Variants in EYS observed in about 807,000 individuals in gnomAD.
The protein encoded by EYS is protein eyes shut homolog.
A neutral mutation model predicts 282.1 loss-of-function variants in EYS; 250 were observed. The ratio of observed to expected loss-of-function variants is 0.89; its 90% CI spans 0.80 to 0.98. The LOEUF (loss-of-function observed/expected upper bound fraction) is 0.98. Among genes scored for constraint, EYS ranks in the 50% least tolerant of loss-of-function variants. EYS has a pLI of 0.00. For missense variants in EYS, 4,016 were observed against 3,709.0 expected, an observed-to-expected ratio of 1.08 and a Z score of -2.15; for synonymous variants, 1,355 against 1,282.9, an observed-to-expected ratio of 1.06 and a Z score of -1.20.
chr6:65,231,593 C>G lies in EYS; in HGVS notation c.2023+64270G>C, dbSNP rs145179816. 1.6e-4 allele frequency among the ~76,000 whole-genome samples: 25 copies of G among 151,602 alleles called. 1 individual carries two copies. Among genetic ancestry groups the G allele is most frequent in the African/African-American group, 6.0e-4 (25 of 41,436 alleles). On this transcript the variant is annotated intron_variant, in intron 12 of 42. Transcript: ENST00000503581. ...GACCATAAATACACAAATGGATGAA[C>G]AGCAAAGGATAAATGTGCTATCAAG...
intron 22 of EYS, among the ~76,000 whole-genome samples, chr6:64,812,928 G>C (rs943389091): frequency 6.6e-6 from 1 of 152,002 alleles, no homozygotes; most frequent in African/African-American, 2.4e-5. Context: ...TATAGTGATT[G>C]ATAGAATAAT....
At chr6:64,226,307 C>T (rs1008955425) in intron 31 of EYS, among the ~76,000 whole-genome samples, 1 of 152,086 alleles carries the variant, frequency 6.6e-6, no homozygotes, top group African/African-American at 2.4e-5. Flanking sequence ...GTAATTTCCT[C>T]AGTACAGTTA....
intron 12 of EYS, among the ~76,000 whole-genome samples, chr6:65,281,545 C>T (rs767655232): frequency 5.3e-5 from 8 of 152,128 alleles, no homozygotes; most frequent in Non-Finnish European, 1.0e-4. Flanking sequence ...TCTGTGAATG[C>T]TTGCAGCTGC....
intron 2 of EYS, among the ~76,000 whole-genome samples, chr6:65,581,373 A>T (rs1052483173): frequency 3.3e-5 from 5 of 152,172 alleles, no homozygotes; most frequent in African/African-American, 9.6e-5. Context: ...ACAAAAATTA[A>T]TGCTATATTT....
chr6:64,385,581 T>C (rs1772880294), intron 29 of EYS, among the ~76,000 whole-genome samples: 1 of 152,190 alleles, frequency 6.6e-6, no homozygotes, highest in Admixed American at 6.6e-5. Context: ...AATCCTTTAG[T>C]AAAGGCCAAT....
intron 29 of EYS, among the ~76,000 whole-genome samples, chr6:64,362,174 C>T (rs1248528909): frequency 6.6e-6 from 1 of 151,790 alleles, no homozygotes; most frequent in Non-Finnish European, 1.5e-5. Context: ...ACATCAACTA[C>T]TTGCCTTCAG....
intron 40 of EYS, among the ~76,000 whole-genome samples, chr6:63,773,078 T>C (rs573338296): frequency 6.6e-6 from 1 of 152,244 alleles, no homozygotes; most frequent in South Asian, 2.1e-4. Flanking sequence ...TATATAAACA[T>C]TCCTTAGCTT....
intron 33 of EYS, among the ~76,000 whole-genome samples, chr6:64,036,764 C>G (rs1392568664): frequency 1.3e-5 from 2 of 152,172 alleles, no homozygotes; most frequent in African/African-American, 4.8e-5. Flanking sequence ...CTGCTAAATA[C>G]TTTGCCTATA....
At chr6:65,668,072 A>C (rs1259984091) in intron 1 of EYS, among the ~76,000 whole-genome samples, 1 of 151,562 alleles carries the variant, frequency 6.6e-6, no homozygotes, top group Non-Finnish European at 1.5e-5. Context: ...TTACACTCTA[A>C]CTCTTCCATA....
intron 30 of EYS, among the ~76,000 whole-genome samples, chr6:64,244,209 ACTT>A (rs1404415977): frequency 2.6e-5 from 4 of 152,092 alleles, no homozygotes; most frequent in African/African-American, 9.7e-5. Context: ...ATGCTTCCTC[ACTT>A]CTTCAATTGT....
intron 29 of EYS, among the ~76,000 whole-genome samples, chr6:64,367,243 C>T (rs1772211312): frequency 1.3e-5 from 2 of 151,968 alleles, no homozygotes; most frequent in Admixed American, 1.3e-4. Context: ...GCAAAAATGG[C>T]TCATGAGAAT....
chr6:65,490,718 G>GA lies in EYS; in HGVS notation c.749-12dup, dbSNP rs764006148. 9 of 1,575,262 alleles carry GA rather than the reference G, an allele frequency of 5.7e-6. No homozygotes were observed. The highest frequency in any genetic ancestry group is 7.9e-6 in the Non-Finnish European group (9 of 1,146,316). On this transcript the variant is annotated splice_polypyrimidine_tract_variant and intron_variant, in intron 4 of 42. Transcript: ENST00000503581. The stretch of plus-strand genomic sequence containing the variant: ...CTGAGCAATTCTTTCCTATAACAAT[G>GA]AAAAAAAGTTTTTTTTACATTGGAT...
intron 32 of EYS, among the ~76,000 whole-genome samples, chr6:64,071,017 T>TA (rs1771555127): frequency 6.6e-6 from 1 of 151,940 alleles, no homozygotes; most frequent in African/African-American, 2.4e-5. Context: ...TACCTCCACT[T>TA]AAAAGGAAAA....
intron 29 of EYS, among the ~76,000 whole-genome samples, chr6:64,349,303 T>C (rs1473928911): frequency 6.6e-6 from 1 of 151,212 alleles, no homozygotes; most frequent in Non-Finnish European, 1.5e-5. Flanking sequence ...AAATGACATA[T>C]AATATGTATT....
chr6:64,755,328 A>T (rs746044055), intron 22 of EYS, among the ~76,000 whole-genome samples: 1 of 152,106 alleles, frequency 6.6e-6, no homozygotes, highest in Non-Finnish European at 1.5e-5. Context: ...CCTCATGCTC[A>T]TGGATTGGAA....
chr6:63,890,854 GAAC>G (rs1442451896), intron 35 of EYS, among the ~76,000 whole-genome samples: 8 of 151,882 alleles, frequency 5.3e-5, no homozygotes, highest in African/African-American at 1.9e-4. Flanking sequence ...GCCAGACTAA[GAAC>G]AAGAGAGAGA....
intron 35 of EYS, among the ~76,000 whole-genome samples, chr6:63,869,262 C>CT (rs1442005832): frequency 6.6e-6 from 1 of 152,086 alleles, no homozygotes; most frequent in African/African-American, 2.4e-5. Context: ...ATTAAAAACA[C>CT]TTTTTTTCTT....
intron 35 of EYS, among the ~76,000 whole-genome samples, chr6:63,931,564 C>T (rs2149751442): frequency 6.6e-6 from 1 of 152,304 alleles, no homozygotes; most frequent in Middle Eastern, 3.4e-3. Context: ...GTACATGGTT[C>T]AACCCTGAGC....
At chr6:63,905,328 T>C (rs913608149) in intron 35 of EYS, among the ~76,000 whole-genome samples, 8 of 140,670 alleles carry the variant, frequency 5.7e-5, no homozygotes, top group Non-Finnish European at 9.0e-5. Flanking sequence ...TCTTTTTTTT[T>C]CTTTTTTTTT....
Sources: allele counts gnomAD v4.1 joint callset (sites outside exome capture counted in the v4.1 genomes callset), GRCh38; gene constraint gnomAD v4.1.1; transcripts MANE v1.5; gene names NCBI Gene and HGNC (gene_info 2026-07-23, HGNC 2026-07-21).